KMT2E: variants seen among roughly 807,000 people sequenced by gnomAD.
The protein encoded by KMT2E is histone reader KMT2E.
A neutral mutation model predicts 184.6 loss-of-function variants in KMT2E; 30 were observed. That is an observed-to-expected ratio of 0.16 (90% CI 0.12 to 0.22). The LOEUF (loss-of-function observed/expected upper bound fraction) is 0.22. Ranked by LOEUF, KMT2E falls within the 10% of genes least tolerant of loss-of-function variation. KMT2E has a pLI of 1.00. For missense variants in KMT2E, 2,023 were observed against 2,237.4 expected, an observed-to-expected ratio of 0.90 and a Z score of 1.93; for synonymous variants, 815 against 776.5, an observed-to-expected ratio of 1.05 and a Z score of -0.82.
intron 3 of KMT2E, among the ~76,000 whole-genome samples, chr7:105,054,293 A>G (rs910322660): frequency 1.3e-5 from 2 of 152,010 alleles, no homozygotes; most frequent in Non-Finnish European, 2.9e-5. Flanking sequence ...AGGTCATTGT[A>G]TCAGATGAAC....
At chr7:105,027,656 T>C (rs1292632157) in intron 1 of KMT2E, among the ~76,000 whole-genome samples, 1 of 152,208 alleles carries the variant, frequency 6.6e-6, no homozygotes, top group Non-Finnish European at 1.5e-5. Context: ...TGTATTATAC[T>C]AGTCTTCCCA....
chr7:105,076,324 C>T (rs543054877), intron 9 of KMT2E, among the ~76,000 whole-genome samples: 6 of 152,246 alleles, frequency 3.9e-5, no homozygotes, highest in African/African-American at 1.4e-4. Flanking sequence ...TAATTTTGGG[C>T]AATTTGAATT....
intron 3 of KMT2E, among the ~76,000 whole-genome samples, chr7:105,061,363 C>T (rs1796806211): frequency 6.6e-6 from 1 of 152,078 alleles, no homozygotes; most frequent in Admixed American, 6.6e-5. Context: ...AAAATAAAGG[C>T]ACAGAAACAA....
chr7:105,073,130 C>A (rs1292095697), intron 6 of KMT2E, among the ~76,000 whole-genome samples: 3 of 150,652 alleles, frequency 2.0e-5, no homozygotes, highest in East Asian at 3.9e-4. Flanking sequence ...TTTTCTTGGC[C>A]ATTCACTGTG....
At chr7:105,027,528 T>C (rs1210687536) in intron 1 of KMT2E, among the ~76,000 whole-genome samples, 1 of 149,706 alleles carries the variant, frequency 6.7e-6, no homozygotes, top group Non-Finnish European at 1.5e-5. Flanking sequence ...TAAAAGCTCA[T>C]GTGTGTTTGC....
chr7:105,054,454 G>GTCTA (rs763229989), intron 3 of KMT2E, among the ~76,000 whole-genome samples: 7,025 of 109,064 alleles, frequency 0.064, 283 homozygotes, highest in African/African-American at 0.12. Flanking sequence ...TGCTCTGTCT[G>GTCTA]TCTGTCTATC....
At chr7:105,067,367 C>G (rs987142216) in intron 6 of KMT2E, among the ~76,000 whole-genome samples, 3 of 151,824 alleles carry the variant, frequency 2.0e-5, no homozygotes, top group Non-Finnish European at 4.4e-5. Context: ...TTTAGTAGAT[C>G]TATCATTCTT....
intron 1 of KMT2E, among the ~76,000 whole-genome samples, chr7:105,018,746 C>T (rs1794820482): frequency 6.6e-6 from 1 of 152,000 alleles, no homozygotes; most frequent in Non-Finnish European, 1.5e-5. Context: ...GTATTTACTA[C>T]CTGTTCTGTA....
chr7:105,073,030 A>G (rs1376939249), intron 6 of KMT2E, among the ~76,000 whole-genome samples: 1 of 133,470 alleles, frequency 7.5e-6, no homozygotes, highest in African/African-American at 3.5e-5. Context: ...TATGATTTTA[A>G]TTACATGTTA....
At chr7:105,065,005 C>T (rs144999737) in intron 5 of KMT2E, among the ~76,000 whole-genome samples, 44 of 152,104 alleles carry the variant, frequency 2.9e-4, no homozygotes, top group African/African-American at 1.0e-3. Context: ...GTAAAATTGT[C>T]CTTAGGAGTT....
chr7:105,040,888 C>A lies in KMT2E; in HGVS notation c.-65C>A. On this transcript the variant is annotated 5_prime_UTR_variant, in exon 3 of 27. Coordinates refer to ENST00000311117, the MANE Select transcript of KMT2E (RefSeq NM_182931.3). ...TGCAATGAGCACTGTGGCTGGCATGCCCCAGTGTTTTGGATACCAATGCAT... is the reference window on the plus strand; with the variant it reads ...TGCAATGAGCACTGTGGCTGGCATGACCCAGTGTTTTGGATACCAATGCAT... 1 of 1,182,952 alleles carries A rather than the reference C, an allele frequency of 8.5e-7. No individual in the cohort carries two copies. The highest frequency in any genetic ancestry group is 1.2e-6 in the Non-Finnish European group (1 of 801,342). 73.3% of individuals were successfully genotyped at this position (1,182,952 alleles called of 1,614,324 possible).
In KMT2E at chr7:105,091,257, T is replaced by G. The variant is rs1798193497; in HGVS notation, c.1665T>G (p.Ile555Met). 6.2e-7 allele frequency: 1 copy of G among 1,603,024 alleles called. No individual in the cohort carries two copies. Among genetic ancestry groups the G allele is most frequent in the African/African-American group, 1.3e-5 (1 of 74,628 alleles). Residue 555 changes from isoleucine (I) to methionine (M), a missense_variant, in exon 15 of 27, where the codon ATT becomes ATG. Around this residue, in one of 8 missense-constraint regions of KMT2E, gnomAD observed 514 missense variants for 621.8 expected, o/e 0.83. Transcript: ENST00000311117. ...FIDDIEEKTP[I>M]SNEVEMESEE... ...ATGATATAGAAGAAAAAACTCCTAT[T>G]AGTAATGAAGTAGAAATGGAATCAG...
At chr7:105,039,042 T>C (rs563380695) in intron 2 of KMT2E, 2 of 152,298 alleles carry the variant, frequency 1.3e-5, no homozygotes, top group East Asian at 3.9e-4. Context: ...GGATGTCATG[T>C]AGTCGTTTTT....
Position 105,106,735 on chromosome 7 carries a change from T to C in KMT2E, c.2810T>C (p.Val937Ala). Residue 937 changes from valine (V) to alanine (A), a missense_variant, in exon 20 of 27, where the codon GTA becomes GCA. Transcript: ENST00000311117. ...CCCATATATTCACCAGTTACCCCAG[T>C]AACTCCTGGTACACCAGGAAATACC... The part of the protein sequence containing the change: ...YKPIYSPVTP[V>A]TPGTPGNTMH... The C allele has an allele frequency of 6.2e-7, 1 of 1,613,888 alleles. No homozygotes were observed. The highest frequency in any genetic ancestry group is 8.5e-7 in the Non-Finnish European group (1 of 1,179,858).
At chr7:105,032,431 G>A (rs1040710557) in intron 1 of KMT2E, among the ~76,000 whole-genome samples, 5 of 152,138 alleles carry the variant, frequency 3.3e-5, no homozygotes, top group African/African-American at 1.2e-4. Context: ...ATGACAGAGC[G>A]AGACTCCGTC....
chr7:105,041,839 T>A (rs1391830429), intron 3 of KMT2E, among the ~76,000 whole-genome samples: 2 of 152,258 alleles, frequency 1.3e-5, no homozygotes, highest in Non-Finnish European at 2.9e-5. Context: ...TTCTTGACAC[T>A]TAATCGACTA....
intron 1 of KMT2E, among the ~76,000 whole-genome samples, chr7:105,026,139 C>T (rs1266848433): frequency 1.3e-5 from 2 of 152,156 alleles, no homozygotes; most frequent in African/African-American, 2.4e-5. Flanking sequence ...CTTTGATGAA[C>T]TCGCAAACAT....
intron 6 of KMT2E, among the ~76,000 whole-genome samples, chr7:105,067,927 A>G (rs911400224): frequency 1.3e-5 from 2 of 152,170 alleles, no homozygotes; most frequent in African/African-American, 2.4e-5. Context: ...AGGCATGGTC[A>G]TGCCACTGTG....
chr7:105,058,899 T>C (rs1262268314), intron 3 of KMT2E, among the ~76,000 whole-genome samples: 2 of 152,172 alleles, frequency 1.3e-5, no homozygotes, highest in Non-Finnish European at 2.9e-5. Context: ...TTAGAACATA[T>C]ACATACTTCC....
Sources: allele counts gnomAD v4.1 joint callset (sites outside exome capture counted in the v4.1 genomes callset), GRCh38; gene constraint gnomAD v4.1.1; regional missense constraint gnomAD v4.1.1; transcripts MANE v1.5; gene names NCBI Gene and HGNC (gene_info 2026-07-23, HGNC 2026-07-21).